Variants in APBB2 observed in about 807,000 individuals in gnomAD.
APBB2 encodes the protein amyloid beta precursor protein binding family B member 2.
A neutral mutation model predicts 82.5 loss-of-function variants in APBB2; 38 were observed. The ratio of observed to expected loss-of-function variants is 0.46; its 90% confidence interval spans 0.36 to 0.60. The LOEUF (loss-of-function observed/expected upper bound fraction) is 0.60, where lower values mean the gene tolerates loss of function less well. Ranked by LOEUF, APBB2 falls within the 20% of genes least tolerant of loss-of-function variation. APBB2 has a pLI of 0.00. For missense variants in APBB2, 772 were observed against 972.3 expected, an observed-to-expected ratio of 0.79 and a Z score of 2.74; for synonymous variants, 341 against 368.2, an observed-to-expected ratio of 0.93 and a Z score of 0.85.
Position 40,893,331 on chromosome 4 carries a change from G to C in APBB2, c.1335C>G (p.Asn445Lys). The change falls in exon 11 of 18, where the codon AAC becomes AAG. Residue 445 changes from asparagine to lysine, a missense_variant. Asn to Lys is a moderately conservative substitution (Grantham distance 94, BLOSUM62 0). Transcript: ENST00000508593. ...LAPGKSSVAV[N>K]NCIRQLSYCK... Reference sequence around the variant, plus strand: ...AGTAGGAAAGTTGCCTGATGCAGTTGTTGACCGCAACACTACTTTTACCGG... The same window carrying C: ...AGTAGGAAAGTTGCCTGATGCAGTTCTTGACCGCAACACTACTTTTACCGG... The C allele has an allele frequency of 1.9e-6, 3 of 1,613,680 alleles. No homozygotes were observed. Among genetic ancestry groups the C allele is most frequent in the Non-Finnish European group, 2.5e-6 (3 of 1,179,854 alleles).
chr4:40,964,790 C>T (rs1794223335), intron 6 of APBB2, among the ~76,000 whole-genome samples: 1 of 17,598 alleles, frequency 5.7e-5, no homozygotes, highest in African/African-American at 1.1e-4. Flanking sequence ...ATGCACATTG[C>T]AAGTATAGTT....
chr4:41,023,027 T>C (rs1053975577), intron 5 of APBB2, among the ~76,000 whole-genome samples: 1 of 152,194 alleles, frequency 6.6e-6, no homozygotes, highest in Admixed American at 6.5e-5. Context: ...TATAGACCAA[T>C]TTATCTTGCT....
At chr4:40,840,175 C>T (rs1755349001) in intron 12 of APBB2, among the ~76,000 whole-genome samples, 1 of 152,190 alleles carries the variant, frequency 6.6e-6, no homozygotes, top group South Asian at 2.1e-4. Context: ...AGGGCTTTCT[C>T]TCCTCTTTGT....
chr4:41,044,681 G>C (rs1257201769), intron 4 of APBB2, among the ~76,000 whole-genome samples: 1 of 152,152 alleles, frequency 6.6e-6, no homozygotes, highest in Non-Finnish European at 1.5e-5. Flanking sequence ...TTCAGCGTAA[G>C]AGTTTCCGTC....
intron 17 of APBB2, 82 bp downstream of exon 17, chr4:40,821,789 T>C (rs1057481156): frequency 2.0e-6 from 3 of 1,495,120 alleles, no homozygotes; most frequent in Admixed American, 4.1e-5. Context: ...TTCATTTCCG[T>C]GAGTGATTCT....
At chr4:41,026,389 A>C (rs1579347852) in intron 5 of APBB2, among the ~76,000 whole-genome samples, 1 of 152,218 alleles carries the variant, frequency 6.6e-6, no homozygotes, top group Admixed American at 6.5e-5. Context: ...TACACAATTC[A>C]GTGCTATTTA....
intron 10 of APBB2, among the ~76,000 whole-genome samples, chr4:40,898,638 T>C (rs1446022856): frequency 1.3e-5 from 2 of 148,506 alleles, no homozygotes; most frequent in African/African-American, 4.9e-5. Flanking sequence ...TTTAACAGAT[T>C]TCAGCCAAAG....
intron 10 of APBB2, among the ~76,000 whole-genome samples, chr4:40,901,752 C>T (rs191537087): frequency 3.3e-5 from 5 of 152,204 alleles, no homozygotes; most frequent in Admixed American, 1.3e-4. Context: ...TCAAGTGATC[C>T]GCTTACCCCA....
intron 6 of APBB2, among the ~76,000 whole-genome samples, chr4:40,977,623 T>C (rs1410104736): frequency 3.8e-4 from 58 of 152,276 alleles, no homozygotes; most frequent in African/African-American, 1.3e-3. Context: ...TCAATAAACT[T>C]TTAAAGAAAC....
At chr4:41,048,831 C>G (rs1724463038) in intron 4 of APBB2, among the ~76,000 whole-genome samples, 1 of 152,302 alleles carries the variant, frequency 6.6e-6, no homozygotes, top group African/African-American at 2.4e-5. Flanking sequence ...CGCTGCCACG[C>G]CGGACTAGTT....
chr4:41,000,105 G>GTGTATA (rs10694468), intron 6 of APBB2, among the ~76,000 whole-genome samples: 3 of 135,062 alleles, frequency 2.2e-5, no homozygotes, highest in East Asian at 2.3e-4. Flanking sequence ...GTGTGTGTGT[G>GTGTATA]TATAAATTAG....
chr4:40,886,758 C>G (rs1247657573), intron 12 of APBB2, among the ~76,000 whole-genome samples: 1 of 152,162 alleles, frequency 6.6e-6, no homozygotes, highest in Non-Finnish European at 1.5e-5. Context: ...CCAGTGCACA[C>G]ACCTGCGTAC....
At chr4:40,881,534 C>CTTTTTTTTTTTTTTTTTTTTTT (rs71198611) in intron 12 of APBB2, 3 of 145,882 alleles carry the variant, frequency 2.1e-5, no homozygotes, top group African/African-American at 3.0e-5. Context: ...TTTTCTTTTT[C>CTTTTTTTTTTTTTTTTTTTTTT]TTTTTTTTTT....
chr4:40,992,091 C>T (rs1802269759), intron 6 of APBB2, among the ~76,000 whole-genome samples: 1 of 152,158 alleles, frequency 6.6e-6, no homozygotes, highest in African/African-American at 2.4e-5. Flanking sequence ...TCTTTGCTAA[C>T]ACTTAATACT....
At chr4:40,820,056 A>C (rs1363927868) in intron 17 of APBB2, among the ~76,000 whole-genome samples, 1 of 152,208 alleles carries the variant, frequency 6.6e-6, no homozygotes, top group South Asian at 2.1e-4. Flanking sequence ...CTCCCCCACT[A>C]TACCTGAGCT....
At chr4:41,140,774 C>T (rs1021015692) in intron 2 of APBB2, among the ~76,000 whole-genome samples, 1 of 152,172 alleles carries the variant, frequency 6.6e-6, no homozygotes, top group African/African-American at 2.4e-5. Context: ...AACGCAAATG[C>T]TATTGTGAAC....
chr4:40,902,837 C>A (rs968156644), intron 10 of APBB2, among the ~76,000 whole-genome samples: 2 of 152,160 alleles, frequency 1.3e-5, no homozygotes, highest in Non-Finnish European at 2.9e-5. Context: ...GACCCAACAC[C>A]CAGTTTTTAA....
chr4:41,129,243 G>A (rs1410784640), intron 2 of APBB2, among the ~76,000 whole-genome samples: 1 of 152,102 alleles, frequency 6.6e-6, no homozygotes, highest in East Asian at 1.9e-4. Context: ...TAAATTTGGG[G>A]AGTCAAGACT....
At chr4:40,977,225 C>T (rs1378276429) in intron 6 of APBB2, among the ~76,000 whole-genome samples, 1 of 152,044 alleles carries the variant, frequency 6.6e-6, no homozygotes, top group Non-Finnish European at 1.5e-5. Context: ...AGGGCAGTGG[C>T]TCTCAACATG....
Sources: allele counts gnomAD v4.1 joint callset (sites outside exome capture counted in the v4.1 genomes callset), GRCh38; gene constraint gnomAD v4.1.1; transcripts MANE v1.5; gene names NCBI Gene and HGNC (gene_info 2026-07-23, HGNC 2026-07-21).